SYNPO2: variants seen among roughly 807,000 people sequenced by gnomAD.
SYNPO2 encodes the protein synaptopodin-2.
In SYNPO2, 56 loss-of-function variants were observed where a neutral mutation model predicts 85.0. That is an observed-to-expected ratio of 0.66 (90% CI 0.53 to 0.82). SYNPO2 has a LOEUF of 0.82. Among genes scored for constraint, SYNPO2 ranks in the 40% least tolerant of loss-of-function variants. The pLI, the probability that SYNPO2 is intolerant of heterozygous loss-of-function variation, is 0.00. For synonymous variants in SYNPO2, 602 were observed against 591.1 expected (o/e 1.02, Z -0.27); for missense variants, 1,575 against 1,534.2 (o/e 1.03, Z -0.44).
At chr4:118,906,918 C>T (rs1352956264) in intron 1 of SYNPO2, among the ~76,000 whole-genome samples, 6 of 152,058 alleles carry the variant, frequency 3.9e-5, no homozygotes, top group Non-Finnish European at 7.4e-5. Context: ...AGTGTTCCTC[C>T]CACCTCAGCC....
intron 1 of SYNPO2, among the ~76,000 whole-genome samples, chr4:118,867,298 T>C (rs1232046744): frequency 1.3e-5 from 2 of 152,216 alleles, no homozygotes; most frequent in Admixed American, 1.3e-4. Flanking sequence ...AAATATATAT[T>C]GAACTTAATT....
rs547079610 is a variant in SYNPO2, at chr4:119,032,122, C to T, written c.3252+95C>T. 1.6e-5 allele frequency: 24 copies of T among 1,527,246 alleles called. No homozygotes were observed. The African/African-American group carries it at 3.0e-4, about 19-fold the overall frequency. The allele number at this position is 1,527,246 out of a possible 1,614,324, so 94.6% of individuals were successfully genotyped here. A position where few individuals can be genotyped will look rare whatever the true frequency, so the allele number is the denominator to read the frequency against. ...AATTGTTTGCAGTGTTTCTTGAGTCCCTGAGAATGCCTAGCAAAGTCCTCA... is the reference window on the plus strand; with the variant it reads ...AATTGTTTGCAGTGTTTCTTGAGTCTCTGAGAATGCCTAGCAAAGTCCTCA... On this transcript the variant is annotated intron_variant, in intron 4 of 4. Transcript: ENST00000307142.
At chr4:119,033,290 G>T in intron 4 of SYNPO2, 1 of 985,304 alleles carries the variant, frequency 1.0e-6, no homozygotes, top group South Asian at 4.7e-5. Flanking sequence ...CTTCTCCCAC[G>T]TTCCTTGCAA....
At chr4:118,984,321 G>T (rs745635815) in intron 1 of SYNPO2, among the ~76,000 whole-genome samples, 3 of 152,006 alleles carry the variant, frequency 2.0e-5, no homozygotes, top group Non-Finnish European at 2.9e-5. Context: ...AAATACATTA[G>T]CTATTTAGAA....
rs1164195734 is a variant in SYNPO2, at chr4:119,036,340, G to A, written c.3252+4313G>A. The A allele has an allele frequency of 1.0e-5, 10 of 985,224 alleles. No homozygotes were observed. The East Asian group carries it at 1.1e-3, about 112-fold the overall frequency. The allele number at this position is 985,224 out of a possible 1,614,324, so 61.0% of individuals were successfully genotyped here. ...ATGAGAAAAAATATATAAATTCTAA[G>A]AACCAACACTGTATTCCCAGAAACA... On this transcript the variant is annotated intron_variant, in intron 4 of 4. Coordinates refer to ENST00000307142, the MANE Select transcript of SYNPO2 (RefSeq NM_133477.3).
chr4:119,016,866 A>G (rs1052283067), intron 1 of SYNPO2, among the ~76,000 whole-genome samples: 1 of 152,206 alleles, frequency 6.6e-6, no homozygotes, highest in Non-Finnish European at 1.5e-5. Context: ...TGGTATGAAG[A>G]TTCTTAAGTA....
At chr4:119,045,510 A>T (rs1738847289) in intron 4 of SYNPO2, among the ~76,000 whole-genome samples, 1 of 152,226 alleles carries the variant, frequency 6.6e-6, no homozygotes, top group Non-Finnish European at 1.5e-5. Flanking sequence ...TTTAAACAAG[A>T]TCAACATTCT....
chr4:118,894,478 C>A (rs182726339), intron 1 of SYNPO2, among the ~76,000 whole-genome samples: 2 of 151,958 alleles, frequency 1.3e-5, no homozygotes, highest in South Asian at 4.2e-4. Context: ...GGTAGCTTGT[C>A]TTCTCCATCC....
intron 1 of SYNPO2, among the ~76,000 whole-genome samples, chr4:118,877,696 C>CA (rs1480704431): frequency 6.6e-6 from 1 of 151,978 alleles, no homozygotes; most frequent in Admixed American, 6.6e-5. Context: ...ATTAAAAAGT[C>CA]AAAAAATAAC....
intron 1 of SYNPO2, among the ~76,000 whole-genome samples, chr4:118,959,764 A>G (rs77531652): frequency 0.14 from 15,559 of 108,018 alleles, 854 homozygotes; most frequent in East Asian, 0.25. Flanking sequence ...CTATCTATCA[A>G]CTTCTATCTG....
chr4:119,031,800 C>T lies in SYNPO2; in HGVS notation c.3025C>T (p.Arg1009Trp), dbSNP rs61732241. The T allele has an allele frequency of 0.09, 145,370 of 1,614,152 alleles. 7,403 individuals carry two copies. The highest frequency in any genetic ancestry group is 0.1 in the Non-Finnish European group (120,460 of 1,180,002). Residue 1009 changes from arginine to tryptophan, a missense_variant, in exon 4 of 5, where the codon CGG (arginine) becomes TGG (tryptophan). Arg to Trp is a moderately radical substitution (Grantham distance 101). Around this residue, in one of 3 missense-constraint regions of SYNPO2, gnomAD observed 1,508 missense variants for 1,446.8 expected, o/e 1.04. Transcript: ENST00000307142. ...GGCCATGAAGCAAGCTCTTCCTCCC[C>T]GGCCAGTGAATGCTGCCTCACCTAC... ...ALAMKQALPPRPVNAASPTNV... is the reference protein window; with the variant it reads ...ALAMKQALPPWPVNAASPTNV...
At chr4:118,890,756 T>TGTA (rs759174573) in intron 1 of SYNPO2, among the ~76,000 whole-genome samples, 2 of 148,820 alleles carry the variant, frequency 1.3e-5, no homozygotes, top group African/African-American at 5.0e-5. Flanking sequence ...TGTGTGTGTG[T>TGTA]AGGGAGAGAG....
chr4:118,959,887 C>A (rs1227396771), intron 1 of SYNPO2, among the ~76,000 whole-genome samples: 2 of 152,120 alleles, frequency 1.3e-5, no homozygotes, highest in African/African-American at 4.8e-5. Context: ...ATTCCTGGAA[C>A]CTGTGAGTGT....
At chr4:118,903,826 C>T (rs1316096900) in intron 1 of SYNPO2, among the ~76,000 whole-genome samples, 1 of 152,024 alleles carries the variant, frequency 6.6e-6, no homozygotes, top group Non-Finnish European at 1.5e-5. Context: ...ATTCTCCTGC[C>T]TCAGCCTCCC....
In SYNPO2 at chr4:118,889,155, G is replaced by A; in HGVS notation, c.105+14G>A. Reference sequence around the variant, plus strand: ...CAAGTTGCAAAGGTAGGACCTGAACGAAGTGTCACGGCTCTGTGCTAGGAA... The same window carrying A: ...CAAGTTGCAAAGGTAGGACCTGAACAAAGTGTCACGGCTCTGTGCTAGGAA... On this transcript the variant is annotated intron_variant, in intron 1 of 4. Coordinates refer to ENST00000307142, the MANE Select transcript of SYNPO2 (RefSeq NM_133477.3). 1 of 1,612,562 alleles carries A rather than the reference G, an allele frequency of 6.2e-7. No homozygotes were observed. Among genetic ancestry groups the A allele is most frequent in the Admixed American group, 1.7e-5 (1 of 59,860 alleles).
chr4:119,035,819 C>CAAAA (rs5861408), intron 4 of SYNPO2: 437 of 934,042 alleles, frequency 4.7e-4, no homozygotes, highest in East Asian at 1.7e-3. Flanking sequence ...CTGAGATGTC[C>CAAAA]AAAAAAAAAA....
intron 4 of SYNPO2, chr4:119,042,872 C>T (rs928061210): frequency 6.6e-6 from 1 of 152,078 alleles, no homozygotes; most frequent in South Asian, 2.1e-4. Context: ...AAGATGGTGA[C>T]GTGTTGGAAG....
At position 119,012,375 on chromosome 4, in the gene SYNPO2, C is replaced by CTTTTTTTT. The variant is rs10651853; in HGVS notation, c.106-11044_106-11037dup. ...ATGGTTCCTTTTTTTTCCCCCTTTT[C>CTTTTTTTT]TTTTTTTTTTTTTTTTTTATTTTAC... is the stretch of plus-strand genomic sequence containing the variant. On this transcript the variant is annotated intron_variant, in intron 1 of 4. Coordinates refer to ENST00000307142, the MANE Select transcript of SYNPO2 (RefSeq NM_133477.3). 1.9e-3 allele frequency among the ~76,000 whole-genome samples: 211 copies of CTTTTTTTT among 109,706 alleles called. 1 individual carries two copies. Among genetic ancestry groups the CTTTTTTTT allele is most frequent in the Middle Eastern group, 5.1e-3 (1 of 196 alleles). 72.0% of individuals were successfully genotyped at this position (109,706 alleles called of 152,430 possible). A position where few individuals can be genotyped will look rare whatever the true frequency, so the allele number is the denominator to read the frequency against.
rs968194795 is a variant in SYNPO2 at position 118,977,797 on chromosome 4, T to C, written c.106-45633T>C. On this transcript the variant is annotated intron_variant, in intron 1 of 4. Transcript: ENST00000307142. ...TTTGAACGTATATCATGGTGAGTAG[T>C]GCTTGACCTTGTACAGTGTTAGCAA... Among the ~76,000 whole-genome samples the C allele has an allele frequency of 2.0e-5, 3 of 152,346 alleles. No homozygotes were observed. The East Asian group carries it at 5.8e-4, about 29-fold the overall frequency.
Sources: gnomAD v4.1 joint callset for allele counts (sites outside exome capture counted in the v4.1 genomes callset) on GRCh38, gnomAD v4.1.1 for gene constraint, gnomAD v4.1.1 regional missense constraint, MANE v1.5 for transcripts, NCBI Gene and HGNC (gene_info 2026-07-23, HGNC 2026-07-21) for gene names.